ACVR2A: variants seen among roughly 807,000 people sequenced by gnomAD.
ACVR2A encodes activin receptor type-2A.
Under a neutral mutation model 61.4 loss-of-function variants are expected in ACVR2A, and 7 were observed. That is an observed-to-expected ratio of 0.11 (90% CI 0.06 to 0.21). The LOEUF (loss-of-function observed/expected upper bound fraction) is 0.21. ACVR2A is among the 10% of genes least tolerant of loss of function. The pLI is 1.00. For synonymous variants in ACVR2A, 193 were observed against 208.3 expected, an observed-to-expected ratio of 0.93 and a Z score of 0.63; for missense variants, 322 against 621.7, an observed-to-expected ratio of 0.52 and a Z score of 5.13.
chr2:147,861,837 A>C (rs901259980), intron 1 of ACVR2A, among the ~76,000 whole-genome samples: 1 of 151,862 alleles, frequency 6.6e-6, no homozygotes, highest in Non-Finnish European at 1.5e-5. Flanking sequence ...AATAACTGAA[A>C]TTTCTAAAAG....
chr2:147,863,065 C>T (rs548581469), intron 1 of ACVR2A, among the ~76,000 whole-genome samples: 7 of 152,220 alleles, frequency 4.6e-5, no homozygotes, highest in Admixed American at 3.9e-4. Context: ...AGTGACTTGC[C>T]TAAGGCTATG....
intron 1 of ACVR2A, among the ~76,000 whole-genome samples, chr2:147,855,893 C>T (rs777673695): frequency 2.6e-5 from 4 of 152,010 alleles, no homozygotes; most frequent in Non-Finnish European, 5.9e-5. Flanking sequence ...GGCTTTACTC[C>T]TTTTCAGGTG....
intron 1 of ACVR2A, among the ~76,000 whole-genome samples, chr2:147,868,629 A>T: frequency 6.7e-6 from 1 of 148,488 alleles, no homozygotes; most frequent in African/African-American, 2.5e-5. Flanking sequence ...TATTTTATTT[A>T]TTTATTTATT....
At chr2:147,911,207 AAAAT>A (rs1573702429) in intron 4 of ACVR2A, among the ~76,000 whole-genome samples, 1 of 152,126 alleles carries the variant, frequency 6.6e-6, no homozygotes, top group African/African-American at 2.4e-5. Context: ...GGCTCTTAGA[AAAAT>A]AAATAATCAT....
intron 4 of ACVR2A, among the ~76,000 whole-genome samples, chr2:147,909,886 C>T (rs1057235766): frequency 3.3e-5 from 5 of 152,148 alleles, no homozygotes; most frequent in Non-Finnish European, 7.3e-5. Flanking sequence ...AAAGATCCTC[C>T]TGCCTTGGCC....
At chr2:147,917,842 C>G (rs980910506) in intron 6 of ACVR2A, among the ~76,000 whole-genome samples, 5 of 151,864 alleles carry the variant, frequency 3.3e-5, no homozygotes, top group African/African-American at 1.2e-4. Context: ...TGATCTGTCA[C>G]TAACTTGCAG....
chr2:147,917,169 A>G, intron 5 of ACVR2A, 114 bp from the exon 6 acceptor site: 1 of 1,192,560 alleles, frequency 8.4e-7, no homozygotes, highest in Non-Finnish European at 1.1e-6. Flanking sequence ...AAATTTTTTA[A>G]GACTTTTTTG....
intron 1 of ACVR2A, among the ~76,000 whole-genome samples, chr2:147,851,878 GA>G (rs1392326958): frequency 6.6e-6 from 1 of 151,986 alleles, no homozygotes; most frequent in Non-Finnish European, 1.5e-5. Flanking sequence ...TGAATGAAAT[GA>G]AATTATTTCA....
intron 1 of ACVR2A, among the ~76,000 whole-genome samples, chr2:147,874,870 T>A (rs1028334013): frequency 1.3e-5 from 2 of 151,922 alleles, no homozygotes; most frequent in African/African-American, 4.8e-5. Flanking sequence ...TAAAAGATAT[T>A]TGAAGTTTAG....
intron 1 of ACVR2A, among the ~76,000 whole-genome samples, chr2:147,877,136 T>C (rs1473035796): frequency 6.6e-6 from 1 of 152,210 alleles, no homozygotes; most frequent in Non-Finnish European, 1.5e-5. Context: ...AAGTAGCTTT[T>C]AACATGGAGA....
intron 10 of ACVR2A, 76 bp downstream of exon 10, chr2:147,926,237 TTC>T (rs1392521027): frequency 1.3e-6 from 2 of 1,512,634 alleles, no homozygotes; most frequent in Admixed American, 2.0e-5. Flanking sequence ...CTCTGCACAT[TTC>T]TCTTTCTTCT....
At chr2:147,891,278 C>G (rs938887104) in intron 1 of ACVR2A, among the ~76,000 whole-genome samples, 24 of 152,078 alleles carry the variant, frequency 1.6e-4, no homozygotes, top group African/African-American at 5.6e-4. Context: ...TGGGGTGTTC[C>G]TATGCCTGAG....
intron 8 of ACVR2A, 85 bp downstream of exon 8, chr2:147,920,429 A>G (rs765014598): frequency 4.8e-6 from 5 of 1,031,066 alleles, no homozygotes; most frequent in East Asian, 2.4e-5. Context: ...GAATTAGTCT[A>G]AAATTGTTGT....
In ACVR2A at chr2:147,899,811, T is replaced by A; in HGVS notation, c.441T>A (p.Leu147=). Residue 147 remains leucine, a synonymous_variant, in exon 4 of 11, where the codon CTT becomes CTA. Transcript: ENST00000241416. ...YNILLYSLVP[L]MLIAGIVICA... The stretch of plus-strand genomic sequence containing the variant: ...TCCTGCTCTATTCCTTGGTGCCACT[T>A]ATGTTAATTGCGGGGATTGTCATTT... 1 of 1,613,804 alleles carries A rather than the reference T, an allele frequency of 6.2e-7. No individual in the cohort carries two copies. The highest frequency in any genetic ancestry group is 1.1e-5 in the South Asian group (1 of 91,074).
chr2:147,908,239 GAAAAT>G (rs1337874055), intron 4 of ACVR2A, among the ~76,000 whole-genome samples: 1 of 152,016 alleles, frequency 6.6e-6, no homozygotes, highest in Non-Finnish European at 1.5e-5. Flanking sequence ...ATACAGATAT[GAAAAT>G]AAATCAAAAT....
intron 1 of ACVR2A, among the ~76,000 whole-genome samples, chr2:147,851,571 T>C (rs1685452159): frequency 6.6e-6 from 1 of 152,154 alleles, no homozygotes; most frequent in Non-Finnish European, 1.5e-5. Flanking sequence ...TACATATTAC[T>C]CTTCCTCTTC....
At chr2:147,902,298 A>G (rs1686888010) in intron 4 of ACVR2A, among the ~76,000 whole-genome samples, 1 of 151,972 alleles carries the variant, frequency 6.6e-6, no homozygotes, top group Non-Finnish European at 1.5e-5. Context: ...TAAAATCTCC[A>G]TTTTATAGAT....
chr2:147,885,412 A>G (rs775117145), intron 1 of ACVR2A, among the ~76,000 whole-genome samples: 83 of 152,292 alleles, frequency 5.5e-4, no homozygotes, highest in Non-Finnish European at 9.4e-4. Flanking sequence ...AAAAGGGTAT[A>G]GTAAAAAGTT....
intron 1 of ACVR2A, among the ~76,000 whole-genome samples, chr2:147,892,896 T>C (rs1686622540): frequency 6.6e-6 from 1 of 152,128 alleles, no homozygotes; most frequent in Non-Finnish European, 1.5e-5. Context: ...TTGTTTTTTT[T>C]GAAGTCAGTT....
Sources: allele counts gnomAD v4.1 joint callset (sites outside exome capture counted in the v4.1 genomes callset), GRCh38; gene constraint gnomAD v4.1.1; transcripts MANE v1.5; gene names NCBI Gene and HGNC (gene_info 2026-07-23, HGNC 2026-07-21).